The following TIAM1 variants were observed in gnomAD, a reference collection of about 807,000 sequenced individuals.
The protein encoded by TIAM1 is TIAM Rac1 associated GEF 1, also known as rho guanine nucleotide exchange factor TIAM1.
In TIAM1, 65 loss-of-function variants were observed where a neutral mutation model predicts 163.5. The observed-to-expected ratio is 0.40, with a 90% CI of 0.33 to 0.49. TIAM1 has a LOEUF of 0.49. Ranked by LOEUF, TIAM1 falls within the 20% of genes least tolerant of loss-of-function variation. The probability of loss-of-function intolerance (pLI) is 0.77; values close to 1 mark genes in which losing one functional copy is unlikely to be tolerated. For missense variants in TIAM1, 1,789 were observed against 2,044.7 expected (o/e 0.87, Z 2.41); for synonymous variants, 833 against 810.1 (o/e 1.03, Z -0.48).
intron 2 of TIAM1, among the ~76,000 whole-genome samples, chr21:31,321,006 T>A (rs1190551103): frequency 6.7e-6 from 1 of 149,576 alleles, no homozygotes; most frequent in African/African-American, 2.5e-5. Context: ...AAAAAAGAGA[T>A]CTGGGTACAG....
At chr21:31,178,870 G>A (rs1358013260) in intron 15 of TIAM1, among the ~76,000 whole-genome samples, 1 of 151,760 alleles carries the variant, frequency 6.6e-6, no homozygotes, top group Non-Finnish European at 1.5e-5. Context: ...TGCCGCCTCA[G>A]CCTCCCTAGT....
At chr21:31,521,112 G>A (rs1264635896) in intron 1 of TIAM1, among the ~76,000 whole-genome samples, 4 of 152,158 alleles carry the variant, frequency 2.6e-5, no homozygotes, top group Non-Finnish European at 4.4e-5. Context: ...CTCAACTTCT[G>A]AAGAAGGAAT....
At chr21:31,191,731 AC>A (rs1332036754) in intron 13 of TIAM1, among the ~76,000 whole-genome samples, 3 of 152,162 alleles carry the variant, frequency 2.0e-5, no homozygotes, top group Non-Finnish European at 4.4e-5. Flanking sequence ...GCCCTGTCAT[AC>A]CCTCCTCAGG....
intron 1 of TIAM1, among the ~76,000 whole-genome samples, chr21:31,511,368 C>T (rs1336171639): frequency 6.6e-6 from 1 of 152,218 alleles, no homozygotes; most frequent in Non-Finnish European, 1.5e-5. Flanking sequence ...ACTTGCAATA[C>T]AGCCTAGCAG....
intron 2 of TIAM1, among the ~76,000 whole-genome samples, chr21:31,319,560 T>C (rs1335865647): frequency 6.6e-6 from 1 of 151,898 alleles, no homozygotes. Context: ...GGGTGGATCA[T>C]GAGGTCAGGA....
At chr21:31,237,098 G>A (rs965967570) in intron 6 of TIAM1, among the ~76,000 whole-genome samples, 1 of 152,192 alleles carries the variant, frequency 6.6e-6, no homozygotes, top group African/African-American at 2.4e-5. Context: ...TAACAAAACC[G>A]ATGGTTGAAA....
At chr21:31,219,598 C>T (rs139632176) in intron 8 of TIAM1, among the ~76,000 whole-genome samples, 2,008 of 152,212 alleles carry the variant, frequency 0.013, 12 homozygotes, top group Admixed American at 0.02. Context: ...GGGACCCCTA[C>T]GTACATTAAA....
In TIAM1 at chr21:31,542,413, C is replaced by T. The variant is rs527953905; in HGVS notation, c.-422+16514G>A. Among the ~76,000 whole-genome samples, 520 of 149,204 alleles carry T rather than the reference C, an allele frequency of 3.5e-3. 2 individuals are homozygous for T. Among genetic ancestry groups the T allele is most frequent in the African/African-American group, 0.012 (478 of 39,998 alleles). On this transcript the variant is annotated intron_variant, in intron 1 of 28. Transcript: ENST00000286827. ...CTGCACTCCAGCCTGGGGGATAGAGCGAGACTCCGTCTCAAAAAAAAAGAA... is the reference window on the plus strand; with the variant it reads ...CTGCACTCCAGCCTGGGGGATAGAGTGAGACTCCGTCTCAAAAAAAAAGAA...
chr21:31,178,899 G>A (rs955643804), intron 15 of TIAM1, among the ~76,000 whole-genome samples: 20 of 151,746 alleles, frequency 1.3e-4, no homozygotes, highest in African/African-American at 4.3e-4. Flanking sequence ...TTACAGGCAT[G>A]TGCCACCATG....
At chr21:31,296,546 C>A (rs1329541801) in intron 2 of TIAM1, among the ~76,000 whole-genome samples, 21 of 152,142 alleles carry the variant, frequency 1.4e-4, no homozygotes, top group Non-Finnish European at 1.5e-5. Context: ...AAAGATAATA[C>A]TTAGGTGCTG....
intron 2 of TIAM1, among the ~76,000 whole-genome samples, chr21:31,430,358 A>G (rs2043982692): frequency 6.6e-6 from 1 of 151,522 alleles, no homozygotes; most frequent in African/African-American, 2.4e-5. Flanking sequence ...GATAATTACC[A>G]TACATGCAAA....
At chr21:31,458,383 G>A (rs1424096457) in intron 2 of TIAM1, among the ~76,000 whole-genome samples, 1 of 151,500 alleles carries the variant, frequency 6.6e-6, no homozygotes, top group Non-Finnish European at 1.5e-5. Flanking sequence ...TCACACCATT[G>A]CACTCCAGCC....
intron 2 of TIAM1, among the ~76,000 whole-genome samples, chr21:31,404,492 G>GA (rs3216557): frequency 0.02 from 2,890 of 143,726 alleles, 93 homozygotes; most frequent in East Asian, 0.14. Context: ...TTTTAAAGAG[G>GA]AAAAAAAAAA....
In TIAM1 at chr21:31,189,044, C is replaced by CTTTTTTT. The variant is rs58786753; in HGVS notation, c.2576-1964_2576-1958dup. ...TCAGGTATGATTTGCTCCATTCCCTCTTTTTTTTTTTTTTTTTTTTTTTTT... is the reference window on the plus strand; with the variant it reads ...TCAGGTATGATTTGCTCCATTCCCTCTTTTTTTTTTTTTTTTTTTTTTTTTTTTTTTT... On this transcript the variant is annotated intron_variant, in intron 13 of 27. Transcript: ENST00000541036. 1.7e-3 allele frequency among the ~76,000 whole-genome samples: 116 copies of CTTTTTTT among 70,088 alleles called. 14 individuals are homozygous for CTTTTTTT. The highest frequency in any genetic ancestry group is 1.8e-3 in the Non-Finnish European group (73 of 40,300). 46.0% of individuals were successfully genotyped at this position (70,088 alleles called of 152,430 possible). A position where few individuals can be genotyped will look rare whatever the true frequency, so the allele number is the denominator to read the frequency against.
chr21:31,210,814 G>GAAAGAAAGA lies in TIAM1; in HGVS notation c.2218-600_2218-599insTCTTTCTTT, dbSNP rs147674572. On this transcript the variant is annotated intron_variant, in intron 10 of 27. Transcript: ENST00000541036. ...AGAAAGAAAGAAAGAAAGAAAGAAA[G>GAAAGAAAGA]GTCACCATTCAGCTCAGCTTTATGG... Among the ~76,000 whole-genome samples, 290 of 147,698 alleles carry GAAAGAAAGA rather than the reference G, an allele frequency of 2.0e-3. 9 individuals are homozygous for GAAAGAAAGA. Among genetic ancestry groups the GAAAGAAAGA allele is most frequent in the African/African-American group, 6.9e-3 (265 of 38,390 alleles).
intron 2 of TIAM1, among the ~76,000 whole-genome samples, chr21:31,358,993 G>A (rs1295277012): frequency 1.3e-5 from 2 of 152,036 alleles, no homozygotes; most frequent in South Asian, 2.1e-4. Flanking sequence ...TGGCCTCCTC[G>A]ATGTTCCCTG....
intron 8 of TIAM1, among the ~76,000 whole-genome samples, chr21:31,222,534 T>C (rs2087616679): frequency 6.6e-6 from 1 of 151,734 alleles, no homozygotes; most frequent in Admixed American, 6.6e-5. Context: ...GTTCTTCGCC[T>C]TGCTCTAATG....
At chr21:31,341,111 T>C (rs1490916018) in intron 1 of TIAM1, among the ~76,000 whole-genome samples, 3 of 152,058 alleles carry the variant, frequency 2.0e-5, no homozygotes, top group Non-Finnish European at 2.9e-5. Context: ...AGGCAGAAAA[T>C]ACTAATCGTT....
chr21:31,266,339 G>T lies in TIAM1; in HGVS notation c.634C>A (p.Arg212=). Residue 212 remains arginine, a synonymous_variant, in exon 4 of 28, where the codon CGG becomes AGG. Coordinates refer to ENST00000541036, the MANE Select transcript of TIAM1 (RefSeq NM_001353694.2). The part of the protein sequence containing the change: ...SAEEKDCEEA[R]GMETRASPRQ... ...GGACTCGCCCGCGTTTCCATCCCCC[G>T]AGCCTCCTCGCAGTCCTTCTCTTCG... is the stretch of plus-strand genomic sequence containing the variant. The T allele has an allele frequency of 6.2e-7, 1 of 1,614,140 alleles. No individual in the cohort carries two copies. Among genetic ancestry groups the T allele is most frequent in the Non-Finnish European group, 8.5e-7 (1 of 1,180,026 alleles).
Sources: allele counts gnomAD v4.1 joint callset (sites outside exome capture counted in the v4.1 genomes callset), GRCh38; gene constraint gnomAD v4.1.1; transcripts MANE v1.5; gene names NCBI Gene and HGNC (gene_info 2026-07-23, HGNC 2026-07-21).